Variants in G3BP1 observed in about 807,000 individuals in gnomAD.
The protein encoded by G3BP1 is ras GTPase-activating protein-binding protein 1.
In G3BP1, 35 loss-of-function variants were observed where a neutral mutation model predicts 58.6. The observed-to-expected ratio is 0.60, with a 90% confidence interval of 0.46 to 0.79. The LOEUF is 0.79. Among genes scored for constraint, G3BP1 ranks in the 30% least tolerant of loss-of-function variants. The probability of loss-of-function intolerance (pLI) is 0.00; values close to 1 mark genes in which losing one functional copy is unlikely to be tolerated. For synonymous variants in G3BP1, 191 were observed against 195.4 expected (o/e 0.98, Z 0.19); for missense variants, 523 against 580.8 (o/e 0.90, Z 1.02).
At chr5:151,799,055 A>G (rs1404510813) in intron 7 of G3BP1, among the ~76,000 whole-genome samples, 157 bp from the exon 8 acceptor site, 1 of 152,212 alleles carries the variant, frequency 6.6e-6, no homozygotes, top group African/African-American at 2.4e-5. Flanking sequence ...TAAATTTTGA[A>G]TAGCTGAAAG....
At chr5:151,789,573 T>C (rs1380467989) in intron 2 of G3BP1, among the ~76,000 whole-genome samples, 1 of 152,220 alleles carries the variant, frequency 6.6e-6, no homozygotes, top group Non-Finnish European at 1.5e-5. Flanking sequence ...AAAAAGTACT[T>C]CTAAAACCAC....
At position 151,807,944 on chromosome 5, in the gene G3BP1, A is replaced by G. The variant is rs1372996567; in HGVS notation, c.*3853A>G. ...CTTAAAGGAATCTTTGCAATGCTGCATATAGATAATTGTTGACCTTTTTAG... is the reference window on the plus strand; with the variant it reads ...CTTAAAGGAATCTTTGCAATGCTGCGTATAGATAATTGTTGACCTTTTTAG... On this transcript the variant is annotated 3_prime_UTR_variant, in exon 12 of 12. Coordinates refer to ENST00000356245, the MANE Select transcript of G3BP1 (RefSeq NM_005754.3). 2 of 152,180 alleles carry G rather than the reference A, an allele frequency of 1.3e-5. No homozygotes were observed. Among genetic ancestry groups the G allele is most frequent in the Non-Finnish European group, 2.9e-5 (2 of 68,040 alleles). The allele number at this position is 152,180 out of a possible 1,614,324, so 9.4% of individuals were successfully genotyped here.
intron 7 of G3BP1, among the ~76,000 whole-genome samples, chr5:151,798,044 G>T (rs1865012): frequency 3.9e-5 from 6 of 152,144 alleles, no homozygotes; most frequent in Non-Finnish European, 8.8e-5. Context: ...TATGTCATTT[G>T]TTTGTTCAAT....
At chr5:151,793,065 G>A (rs1665789983) in intron 4 of G3BP1, among the ~76,000 whole-genome samples, 1 of 151,962 alleles carries the variant, frequency 6.6e-6, no homozygotes, top group Non-Finnish European at 1.5e-5. Flanking sequence ...AATATTTTTG[G>A]AGACAGACTT....
rs1425853846 is a variant in G3BP1 at position 151,804,993 on chromosome 5, T to C, written c.*902T>C. On this transcript the variant is annotated 3_prime_UTR_variant, in exon 12 of 12. Coordinates refer to ENST00000356245, the MANE Select transcript of G3BP1 (RefSeq NM_005754.3). ...TGTGGGGAATTATAGAATCCCTCTT[T>C]CATCACTTTGTGTATGTCTTTTGTT... 9.8e-5 allele frequency: 15 copies of C among 152,738 alleles called. No homozygotes were observed. In the East Asian group the frequency reaches 2.9e-3, roughly 29 times the overall value. 9.5% of individuals were successfully genotyped at this position (152,738 alleles called of 1,614,324 possible).
At chr5:151,778,485 G>A (rs550275474) in intron 1 of G3BP1, among the ~76,000 whole-genome samples, 6 of 151,902 alleles carry the variant, frequency 3.9e-5, no homozygotes, top group South Asian at 4.2e-4. Context: ...CTTGTTGCCC[G>A]GGCTGGAGTG....
chr5:151,775,322 A>G (rs3812004), intron 1 of G3BP1, among the ~76,000 whole-genome samples: 30,323 of 152,228 alleles, frequency 0.2, 3,588 homozygotes, highest in African/African-American at 0.33. Flanking sequence ...TTCACTGGCT[A>G]TATAAAGCAT....
At chr5:151,793,822 G>A (rs1361886513) in intron 4 of G3BP1, among the ~76,000 whole-genome samples, 7 of 123,034 alleles carry the variant, frequency 5.7e-5, no homozygotes, top group East Asian at 4.5e-4. Context: ...ACAAGATCCC[G>A]TCTCTACTCA....
intron 11 of G3BP1, among the ~76,000 whole-genome samples, chr5:151,803,235 A>T (rs1762884808): frequency 6.6e-6 from 1 of 152,226 alleles, no homozygotes; most frequent in African/African-American, 2.4e-5. Flanking sequence ...ATCTTTTCAC[A>T]CTGGTGATGA....
Position 151,772,969 on chromosome 5 carries a change from C to T in G3BP1, c.-50+933C>T, listed in dbSNP as rs758886705. On this transcript the variant is annotated intron_variant, in intron 1 of 11. Transcript: ENST00000356245. ...TGACAAAGGAAAAGGGTTTGGGCTT[C>T]CTTTCTACGTGTACTTGTACAGGCC... 4.9e-4 allele frequency among the ~76,000 whole-genome samples: 75 copies of T among 152,316 alleles called. 1 individual carries two copies. Among genetic ancestry groups the T allele is most frequent in the Non-Finnish European group, 1.8e-4 (12 of 68,028 alleles).
intron 1 of G3BP1, among the ~76,000 whole-genome samples, chr5:151,783,986 C>T (rs1001568629): frequency 6.6e-6 from 1 of 152,180 alleles, no homozygotes; most frequent in African/African-American, 2.4e-5. Context: ...TGGTCTCGAT[C>T]TCTTGATTCT....
chr5:151,780,575 A>G lies in G3BP1; in HGVS notation c.-49-5997A>G, dbSNP rs142404459. On this transcript the variant is annotated intron_variant, in intron 1 of 11. Coordinates refer to ENST00000356245, the MANE Select transcript of G3BP1 (RefSeq NM_005754.3). The stretch of plus-strand genomic sequence containing the variant: ...GCCTAGGCTGGAGTGCGGTGGTGCG[A>G]TCTTGGCTCATTGCAAGAGCTCCGC... Among the ~76,000 whole-genome samples, 1,260 of 152,120 alleles carry G rather than the reference A, an allele frequency of 8.3e-3. 9 individuals are homozygous for G. The highest frequency in any genetic ancestry group is 0.014 in the Middle Eastern group (4 of 294).
rs1762984026 is a variant in G3BP1 at position 151,809,470 on chromosome 5, A to G, written c.*5379A>G. The stretch of plus-strand genomic sequence containing the variant: ...GGAAGTAAAATTTAGCTGATAGCAT[A>G]GGGATCATTTGTGATTTATATAGAA... On this transcript the variant is annotated 3_prime_UTR_variant, in exon 12 of 12. Coordinates refer to ENST00000356245, the MANE Select transcript of G3BP1 (RefSeq NM_005754.3). 6.6e-6 allele frequency: 1 copy of G among 152,190 alleles called. No individual in the cohort carries two copies. Among genetic ancestry groups the G allele is most frequent in the African/African-American group, 2.4e-5 (1 of 41,438 alleles). The allele number at this position is 152,190 out of a possible 1,614,324, so 9.4% of individuals were successfully genotyped here.
chr5:151,790,574 T>C (rs991339027), intron 3 of G3BP1, among the ~76,000 whole-genome samples, 170 bp downstream of exon 3: 11 of 151,300 alleles, frequency 7.3e-5, no homozygotes, highest in African/African-American at 1.7e-4. Context: ...GAAATACTTA[T>C]GTGATGTCAG....
rs939642893 is a variant in G3BP1, at chr5:151,811,534, C to T, written c.*7443C>T. 2 of 152,086 alleles carry T rather than the reference C, an allele frequency of 1.3e-5. No individual in the cohort carries two copies. The highest frequency in any genetic ancestry group is 4.8e-5 in the African/African-American group (2 of 41,406). The allele number at this position is 152,086 out of a possible 1,614,324, so 9.4% of individuals were successfully genotyped here. The stretch of plus-strand genomic sequence containing the variant: ...TTTAATTTTTTTCCATTGGAATCAG[C>T]ATGGATATGTGTATATGGATGGTTC... On this transcript the variant is annotated 3_prime_UTR_variant, in exon 12 of 12. Transcript: ENST00000356245.
chr5:151,804,890 C>G lies in G3BP1; in HGVS notation c.*799C>G, dbSNP rs183706018. Reference sequence around the variant, plus strand: ...TAACAACCAGAGCAAAACTGTTGTGCCTTCTATTTATCTTTGATTTCAGTC... The same window carrying G: ...TAACAACCAGAGCAAAACTGTTGTGGCTTCTATTTATCTTTGATTTCAGTC... On this transcript the variant is annotated 3_prime_UTR_variant, in exon 12 of 12. Transcript: ENST00000356245. The G allele has an allele frequency of 6.6e-6, 1 of 152,376 alleles. No homozygotes were observed. Among genetic ancestry groups the G allele is most frequent in the Admixed American group, 6.5e-5 (1 of 15,278 alleles). The allele number at this position is 152,376 out of a possible 1,614,324, so 9.4% of individuals were successfully genotyped here.
chr5:151,804,071 G>T lies in G3BP1; in HGVS notation c.1381G>T (p.Gly461Trp). The part of the protein sequence containing the change: ...VQKPGFGVGR[G>W]LAPRQ The stretch of plus-strand genomic sequence containing the variant: ...GAAACCAGGATTTGGAGTGGGAAGG[G>T]GGCTTGCGCCACGGCAGTGAATCTT... Residue 461 changes from glycine (G) to tryptophan (W), a missense_variant, in exon 12 of 12, where the codon GGG (glycine) becomes TGG (tryptophan). Transcript: ENST00000356245. 2 of 1,607,594 alleles carry T rather than the reference G, an allele frequency of 1.2e-6. No individual in the cohort carries two copies. The highest frequency in any genetic ancestry group is 1.7e-6 in the Non-Finnish European group (2 of 1,175,822).
intron 7 of G3BP1, among the ~76,000 whole-genome samples, chr5:151,798,865 G>T (rs1762800746): frequency 6.6e-6 from 1 of 152,050 alleles, no homozygotes; most frequent in Non-Finnish European, 1.5e-5. Context: ...TGGGAAACAG[G>T]TGGGAGGATC....
intron 1 of G3BP1, among the ~76,000 whole-genome samples, chr5:151,781,174 C>T (rs548678578): frequency 1.3e-5 from 2 of 152,200 alleles, no homozygotes; most frequent in East Asian, 1.9e-4. Flanking sequence ...ATACACAAGT[C>T]TATTACAGAT....
Sources: allele counts gnomAD v4.1 joint callset (sites outside exome capture counted in the v4.1 genomes callset), GRCh38; gene constraint gnomAD v4.1.1; transcripts MANE v1.5; gene names NCBI Gene and HGNC (gene_info 2026-07-23, HGNC 2026-07-21).